Variants in C5orf22 observed in about 807,000 individuals in gnomAD.
The protein encoded by C5orf22 is UPF0489 protein C5orf22.
A neutral mutation model predicts 48.7 loss-of-function variants in C5orf22; 36 were observed. The observed-to-expected ratio is 0.74, with a 90% confidence interval of 0.57 to 0.98. The LOEUF is 0.98. C5orf22 is among the 50% of genes least tolerant of loss of function. The pLI is 0.00. For missense variants in C5orf22, 486 were observed against 521.9 expected (o/e 0.93, Z 0.67); for synonymous variants, 141 against 180.8 (o/e 0.78, Z 1.76).
At chr5:31,537,444 G>T (rs888215114) in intron 3 of C5orf22, among the ~76,000 whole-genome samples, 1 of 152,170 alleles carries the variant, frequency 6.6e-6, no homozygotes, top group Non-Finnish European at 1.5e-5. Flanking sequence ...TTGGACATTA[G>T]TTTTACTATG....
chr5:31,533,546 T>C (rs1394625744), intron 1 of C5orf22, among the ~76,000 whole-genome samples: 1 of 152,082 alleles, frequency 6.6e-6, no homozygotes, highest in African/African-American at 2.4e-5. Flanking sequence ...GGATATAGTG[T>C]CTATGACCTT....
rs1741590471 is a variant in C5orf22 at position 31,532,426 on chromosome 5, C to T, written c.34C>T (p.Arg12Trp). The change falls in exon 1 of 9, where the codon CGG becomes TGG. Residue 12 changes from arginine to tryptophan, a missense_variant. Physicochemically the swap from Arg to Trp is moderately radical, Grantham distance 101. This residue lies in a region of C5orf22 where 74 missense variants were observed against 61.2 expected (regional missense o/e 1.21). Transcript: ENST00000325366. ...SDSAGGRAGL[R>W]RYPKLPVWVV... ...CTCCGCGGGAGGGCGCGCTGGTCTC[C>T]GGCGTTACCCCAAGCTCCCAGTGTG... is the stretch of plus-strand genomic sequence containing the variant. 1 of 1,613,946 alleles carries T rather than the reference C, an allele frequency of 6.2e-7. No homozygotes were observed. Among genetic ancestry groups the T allele is most frequent in the Non-Finnish European group, 8.5e-7 (1 of 1,179,948 alleles).
chr5:31,549,304 A>G (rs767146136), intron 7 of C5orf22, among the ~76,000 whole-genome samples: 16 of 152,186 alleles, frequency 1.1e-4, no homozygotes, highest in Non-Finnish European at 1.5e-4. Context: ...CCACCCCCAC[A>G]GTCACCTCCC....
In C5orf22 at chr5:31,541,323, G is replaced by C; in HGVS notation, c.913G>C (p.Glu305Gln). ...DIVDTRIHQL[E>Q]DLEATFADLC... is the part of the protein sequence containing the mutation. ...TGTTGATACTCGAATTCATCAATTA[G>C]AGGATTTAGAAGCCACTTTCGCTGA... The change falls in exon 6 of 9, where the codon GAG becomes CAG. Residue 305 changes from glutamate (E) to glutamine (Q), a missense_variant. This residue lies in a region of C5orf22 where 408 missense variants were observed against 444.0 expected (regional missense o/e 0.92). Coordinates refer to ENST00000325366, the MANE Select transcript of C5orf22 (RefSeq NM_018356.3). 6.2e-7 allele frequency: 1 copy of C among 1,612,724 alleles called. No individual in the cohort carries two copies. Among genetic ancestry groups the C allele is most frequent in the Non-Finnish European group, 8.5e-7 (1 of 1,178,768 alleles).
At chr5:31,546,882 A>G (rs1445977190) in intron 7 of C5orf22, among the ~76,000 whole-genome samples, 6 of 152,252 alleles carry the variant, frequency 3.9e-5, no homozygotes, top group Non-Finnish European at 8.8e-5. Flanking sequence ...TTCCATCCTT[A>G]GCCCCTCCCA....
intron 6 of C5orf22, among the ~76,000 whole-genome samples, chr5:31,544,710 AG>A (rs1742736429): frequency 6.6e-6 from 1 of 152,204 alleles, no homozygotes; most frequent in African/African-American, 2.4e-5. Context: ...CTAAGGTGGA[AG>A]GCTTACTTGA....
chr5:31,536,766 TC>T (rs1216092643), intron 3 of C5orf22, among the ~76,000 whole-genome samples: 2 of 152,202 alleles, frequency 1.3e-5, no homozygotes, highest in Non-Finnish European at 2.9e-5. Flanking sequence ...GTTTTGTGTA[TC>T]TTGTGATACT....
chr5:31,544,746 G>A (rs1047225547), intron 6 of C5orf22, among the ~76,000 whole-genome samples: 2 of 152,120 alleles, frequency 1.3e-5, no homozygotes, highest in Admixed American at 6.5e-5. Context: ...ACCAGTCTGG[G>A]CAACATAGCA....
chr5:31,549,481 C>T (rs1271911492), intron 7 of C5orf22, among the ~76,000 whole-genome samples: 1 of 151,274 alleles, frequency 6.6e-6, no homozygotes, highest in African/African-American at 2.4e-5. Context: ...TTTTTTTTCC[C>T]CTGGGAGCAT....
In C5orf22 at chr5:31,554,368, G is replaced by T. The variant is rs530532765; in HGVS notation, c.*1466G>T. The T allele has an allele frequency of 6.6e-6, 1 of 152,218 alleles. No homozygotes were observed. Among genetic ancestry groups the T allele is most frequent in the East Asian group, 1.9e-4 (1 of 5,174 alleles). The allele number at this position is 152,218 out of a possible 1,614,324, so 9.4% of individuals were successfully genotyped here. A position where few individuals can be genotyped will look rare whatever the true frequency, so the allele number is the denominator to read the frequency against. On this transcript the variant is annotated 3_prime_UTR_variant, in exon 9 of 9. Coordinates refer to ENST00000325366, the MANE Select transcript of C5orf22 (RefSeq NM_018356.3). ...CATTATCATTGCCTCACAGTGGATG[G>T]CACCTGACCCCATTTTTCCAAGGAT...
At chr5:31,546,397 G>A (rs1742881611) in intron 7 of C5orf22, among the ~76,000 whole-genome samples, 1 of 152,188 alleles carries the variant, frequency 6.6e-6, no homozygotes, top group South Asian at 2.1e-4. Flanking sequence ...ACTTCAGTAA[G>A]CTGGGTTTGC....
intron 3 of C5orf22, among the ~76,000 whole-genome samples, chr5:31,536,366 A>G (rs572435107): frequency 4.4e-4 from 67 of 152,234 alleles, no homozygotes; most frequent in African/African-American, 1.6e-3. Flanking sequence ...TAAAAATACA[A>G]AAACAAATTA....
At chr5:31,541,217 A>C in intron 5 of C5orf22, 64 bp from the exon 6 acceptor site, 2 of 1,539,992 alleles carry the variant, frequency 1.3e-6, no homozygotes, top group Non-Finnish European at 1.8e-6. Context: ...TTTTTTTGTA[A>C]TGGGATGTTG....
rs764893708 is a variant in C5orf22, at chr5:31,538,542, T to G, written c.660T>G (p.Cys220Trp). Residue 220 changes from cysteine to tryptophan, a missense_variant, in exon 4 of 9, where the codon TGT becomes TGG. By Grantham distance (215) the Cys-to-Trp change is radical. Around this residue, in one of 3 missense-constraint regions of C5orf22, gnomAD observed 408 missense variants for 444.0 expected, o/e 0.92. Transcript: ENST00000325366. ...RSDQTCLEPS[C>W]SCSSENQECQ... The stretch of plus-strand genomic sequence containing the variant: ...ACCAGACTTGCCTAGAACCATCATG[T>G]TCATGTTCTTCTGAAAATCAGGAAT... 1.3e-5 allele frequency: 21 copies of G among 1,614,026 alleles called. No homozygotes were observed. In the African/African-American group the frequency reaches 2.5e-4, roughly 19 times the overall value.
At chr5:31,536,365 A>G (rs1466383793) in intron 3 of C5orf22, among the ~76,000 whole-genome samples, 1 of 152,174 alleles carries the variant, frequency 6.6e-6, no homozygotes, top group Non-Finnish European at 1.5e-5. Context: ...CTAAAAATAC[A>G]AAAACAAATT....
intron 8 of C5orf22, among the ~76,000 whole-genome samples, chr5:31,551,815 CTA>C (rs1370670345): frequency 6.6e-6 from 1 of 152,170 alleles, no homozygotes; most frequent in African/African-American, 2.4e-5. Context: ...ACCTCCAAAA[CTA>C]TATAATAAAT....
chr5:31,552,568 T>G (rs1390740457), intron 8 of C5orf22, among the ~76,000 whole-genome samples: 1 of 152,340 alleles, frequency 6.6e-6, no homozygotes, highest in East Asian at 1.9e-4. Flanking sequence ...GCCTATTTCA[T>G]AGAGTTGCTG....
At position 31,541,148 on chromosome 5, in the gene C5orf22, G is replaced by GTGTA. The variant is rs1491030035; in HGVS notation, c.871-132_871-131insGTAT. ...TGTGTGTGTGTGTGTGTGTGTGTGT[G>GTGTA]TATTGGCGAAGCCCATGGTTAGTAC... On this transcript the variant is annotated intron_variant, in intron 5 of 8. Transcript: ENST00000325366. 4.5e-6 allele frequency: 4 copies of GTGTA among 893,268 alleles called. No individual in the cohort carries two copies. The African/African-American group carries it at 5.2e-5, about 12-fold the overall frequency. The allele number at this position is 893,268 out of a possible 1,614,324, so 55.3% of individuals were successfully genotyped here.
At position 31,538,647 on chromosome 5, in the gene C5orf22, T is replaced by C. The variant is rs143742555; in HGVS notation, c.765T>C (p.Asp255=). The C allele has an allele frequency of 6.2e-6, 10 of 1,611,990 alleles. No homozygotes were observed. The African/African-American group carries it at 1.3e-4, about 22-fold the overall frequency. ...CATTTGTTTTAGATATTGACTTGGA[T>C]TTTTTTTCAGTCAAGAATCCCTTCA... ...GKAFVLDIDL[D]FFSVKNPFKE... Residue 255 remains aspartate, a synonymous_variant, in exon 4 of 9, where the codon GAT becomes GAC. Transcript: ENST00000325366.
Sources: allele counts gnomAD v4.1 joint callset (sites outside exome capture counted in the v4.1 genomes callset), GRCh38; gene constraint gnomAD v4.1.1; regional missense constraint gnomAD v4.1.1; transcripts MANE v1.5; gene names NCBI Gene and HGNC (gene_info 2026-07-23, HGNC 2026-07-21).